Variants in PSD3 observed in about 807,000 individuals in gnomAD.
PSD3 encodes PH and SEC7 domain-containing protein 3.
Under a neutral mutation model 105.5 loss-of-function variants are expected in PSD3, and 49 were observed. The observed-to-expected ratio is 0.46, with a 90% CI of 0.37 to 0.59. The LOEUF (loss-of-function observed/expected upper bound fraction) is 0.59, where lower values mean the gene tolerates loss of function less well. Ranked by LOEUF, PSD3 falls within the 20% of genes least tolerant of loss-of-function variation. The pLI, the probability that PSD3 is intolerant of heterozygous loss-of-function variation, is 0.00. For missense variants in PSD3, 1,561 were observed against 1,263.8 expected, an observed-to-expected ratio of 1.24 and a Z score of -3.57; for synonymous variants, 557 against 457.8, an observed-to-expected ratio of 1.22 and a Z score of -2.77.
chr8:18,789,457 G>A (rs922532453), intron 8 of PSD3, among the ~76,000 whole-genome samples: 6 of 151,986 alleles, frequency 3.9e-5, no homozygotes, highest in Non-Finnish European at 8.8e-5. Context: ...TCACTTAATG[G>A]GTTTTTAATG....
chr8:18,693,619 T>G (rs1482872266), intron 9 of PSD3, among the ~76,000 whole-genome samples: 1 of 152,160 alleles, frequency 6.6e-6, no homozygotes, highest in Non-Finnish European at 1.5e-5. Flanking sequence ...CTCAAAAAAG[T>G]GGCGTAAAGA....
At chr8:18,781,900 TTA>T (rs1808672458) in intron 8 of PSD3, among the ~76,000 whole-genome samples, 1 of 152,162 alleles carries the variant, frequency 6.6e-6, no homozygotes, top group South Asian at 2.1e-4. Flanking sequence ...TTTAAAAATG[TTA>T]TCTGCTCAGG....
chr8:18,964,417 C>T (rs564536597), intron 1 of PSD3, among the ~76,000 whole-genome samples: 17 of 152,286 alleles, frequency 1.1e-4, no homozygotes, highest in Admixed American at 9.8e-4. Flanking sequence ...AGCTACATTG[C>T]CTGGCCATTA....
At chr8:18,891,621 C>G (rs867005395) in intron 2 of PSD3, among the ~76,000 whole-genome samples, 1 of 144,266 alleles carries the variant, frequency 6.9e-6, no homozygotes, top group African/African-American at 2.9e-5. Flanking sequence ...ACACCTGCAC[C>G]TCCGAGAGCA....
chr8:18,580,224 G>A (rs1802723014), intron 12 of PSD3, among the ~76,000 whole-genome samples: 1 of 152,118 alleles, frequency 6.6e-6, no homozygotes, highest in South Asian at 2.1e-4. Context: ...TCACAAGAAA[G>A]CAGGATGAGT....
chr8:18,950,783 G>A (rs571294782), intron 1 of PSD3, among the ~76,000 whole-genome samples: 2 of 151,792 alleles, frequency 1.3e-5, no homozygotes, highest in East Asian at 3.9e-4. Flanking sequence ...CTGACCTCTC[G>A]GGGAACATCA....
intron 2 of PSD3, among the ~76,000 whole-genome samples, chr8:18,926,551 G>A (rs937687181): frequency 2.0e-5 from 3 of 152,094 alleles, no homozygotes; most frequent in South Asian, 4.2e-4. Flanking sequence ...TTACAAAAAT[G>A]CAACACAAAA....
At chr8:18,566,957 C>T (rs902899367) in intron 14 of PSD3, among the ~76,000 whole-genome samples, 1 of 152,126 alleles carries the variant, frequency 6.6e-6, no homozygotes, top group African/African-American at 2.4e-5. Flanking sequence ...AACAGATGAA[C>T]ACATTCATTT....
intron 1 of PSD3, among the ~76,000 whole-genome samples, chr8:19,078,837 G>A (rs1294665287): frequency 6.6e-6 from 1 of 151,744 alleles, no homozygotes; most frequent in African/African-American, 2.4e-5. Context: ...GTAGGGAGAT[G>A]AGCAAGCAGA....
chr8:18,915,671 C>A (rs994240158), intron 2 of PSD3, among the ~76,000 whole-genome samples: 3 of 152,036 alleles, frequency 2.0e-5, no homozygotes, highest in African/African-American at 7.3e-5. Context: ...ATGAAAACCA[C>A]GATAAGGTAT....
intron 1 of PSD3, among the ~76,000 whole-genome samples, chr8:19,071,468 G>A (rs1829259268): frequency 6.6e-6 from 1 of 152,140 alleles, no homozygotes; most frequent in Admixed American, 6.6e-5. Context: ...CCCTTCTGCA[G>A]AAGACATAGA....
intron 11 of PSD3, among the ~76,000 whole-genome samples, chr8:18,605,239 G>A (rs1477753603): frequency 6.6e-6 from 1 of 152,206 alleles, no homozygotes; most frequent in Non-Finnish European, 1.5e-5. Context: ...AGACAGAGCT[G>A]TCCAATGCTG....
At position 18,585,008 on chromosome 8, in the gene PSD3, C is replaced by T. The variant is rs1013351594; in HGVS notation, c.2482-9723G>A. ...GTCATGTCATATATATAATTAATGT[C>T]TATGGGAATGAGGAATGGGGTGATA... On this transcript the variant is annotated intron_variant, in intron 12 of 15. Transcript: ENST00000327040. Among the ~76,000 whole-genome samples, 11 of 152,156 alleles carry T rather than the reference C, an allele frequency of 7.2e-5. No individual in the cohort carries two copies. In the East Asian group the frequency reaches 1.7e-3, roughly 24 times the overall value.
intron 9 of PSD3, among the ~76,000 whole-genome samples, chr8:18,673,283 T>C (rs1799888978): frequency 6.6e-6 from 1 of 152,092 alleles, no homozygotes; most frequent in African/African-American, 2.4e-5. Context: ...ACAGTCACAA[T>C]TTGCAGTTTC....
chr8:18,770,136 A>G (rs1180069178), intron 8 of PSD3, among the ~76,000 whole-genome samples: 1 of 152,156 alleles, frequency 6.6e-6, no homozygotes, highest in Non-Finnish European at 1.5e-5. Flanking sequence ...CCTCACAGAC[A>G]CTAACATCTG....
intron 4 of PSD3, among the ~76,000 whole-genome samples, chr8:18,835,785 G>T (rs529350865): frequency 6.6e-6 from 1 of 152,308 alleles, no homozygotes; most frequent in East Asian, 1.9e-4. Context: ...TGCCCGGCGT[G>T]CTCAGAAATG....
At chr8:18,906,179 G>T (rs1819836601) in intron 2 of PSD3, among the ~76,000 whole-genome samples, 1 of 152,008 alleles carries the variant, frequency 6.6e-6, no homozygotes. Context: ...ACCCTCTCCT[G>T]ACAAAAAATA....
chr8:18,988,327 G>A (rs1825614983), intron 1 of PSD3, among the ~76,000 whole-genome samples: 1 of 152,104 alleles, frequency 6.6e-6, no homozygotes, highest in Admixed American at 6.6e-5. Flanking sequence ...TTCCCAAACT[G>A]CGAATAAGAC....
chr8:18,653,056 A>C (rs1436698276), intron 10 of PSD3, among the ~76,000 whole-genome samples: 1 of 152,184 alleles, frequency 6.6e-6, no homozygotes, highest in East Asian at 1.9e-4. Context: ...TAACAGAGAG[A>C]TCTGTTTAAT....
Sources: allele counts gnomAD v4.1 joint callset (sites outside exome capture counted in the v4.1 genomes callset), GRCh38; gene constraint gnomAD v4.1.1; transcripts MANE v1.5; gene names NCBI Gene and HGNC (gene_info 2026-07-23, HGNC 2026-07-21).